The following NCL variants were observed in gnomAD, a reference collection of about 807,000 sequenced individuals.
NCL encodes the protein nucleolin multifunctional protein.
Under a neutral mutation model 77.7 loss-of-function variants are expected in NCL, and 4 were observed. The ratio of observed to expected loss-of-function variants is 0.05; its 90% CI spans 0.03 to 0.12. The LOEUF (loss-of-function observed/expected upper bound fraction) is 0.12, where lower values mean the gene tolerates loss of function less well. NCL is among the 10% of genes least tolerant of loss of function. The pLI, the probability that NCL is intolerant of heterozygous loss-of-function variation, is 1.00. For synonymous variants in NCL, 344 were observed against 297.8 expected (o/e 1.16, Z -1.60); for missense variants, 763 against 860.9 (o/e 0.89, Z 1.42).
intron 2 of NCL, chr2:231,462,426 T>G: frequency 2.5e-6 from 1 of 404,212 alleles, no homozygotes; most frequent in Non-Finnish European, 4.9e-6. Context: ...CATTTGGGGC[T>G]CCTACAGTGG....
In NCL at chr2:231,457,723, C is replaced by T; in HGVS notation, c.1367G>A (p.Gly456Glu). 6.2e-7 allele frequency: 1 copy of T among 1,611,898 alleles called. No homozygotes were observed. The highest frequency in any genetic ancestry group is 8.5e-7 in the Non-Finnish European group (1 of 1,178,272). ...FEEKQGTEID[G>E]RSISLYYTGE... ...AGTATAGTACAGGGAAATAGATCGCCCATCGATCTCTGTTCCCTGCTTTTC... is the reference window on the plus strand; with the variant it reads ...AGTATAGTACAGGGAAATAGATCGCTCATCGATCTCTGTTCCCTGCTTTTC... The change falls in exon 9 of 14, where the codon GGG becomes GAG. Residue 456 changes from glycine (G) to glutamate (E), a missense_variant. Gly to Glu is a moderately conservative substitution (Grantham distance 98, BLOSUM62 -2). This residue lies in a region of NCL where 590 missense variants were observed against 570.5 expected (regional missense o/e 1.03). Transcript: ENST00000322723.
In NCL at chr2:231,457,595, A is replaced by C. The variant is rs767913434; in HGVS notation, c.1447+48T>G. Reference sequence around the variant, plus strand: ...CTTATGAAATACAAAGACACAAAGGAGTTCCCTCCACCAATTCTGAAACCT... The same window carrying C: ...CTTATGAAATACAAAGACACAAAGGCGTTCCCTCCACCAATTCTGAAACCT... On this transcript the variant is annotated intron_variant, in intron 9 of 13. Transcript: ENST00000322723. 9 of 1,498,110 alleles carry C rather than the reference A, an allele frequency of 6.0e-6. No homozygotes were observed. In the South Asian group the frequency reaches 1.0e-4, roughly 17 times the overall value. 92.8% of individuals were successfully genotyped at this position (1,498,110 alleles called of 1,614,324 possible).
At chr2:231,456,932 A>C in intron 10 of NCL, 69 bp downstream of exon 10, 3 of 1,581,214 alleles carry the variant, frequency 1.9e-6, no homozygotes, top group Admixed American at 1.8e-5. Flanking sequence ...GGATCACATG[A>C]CCTTACGTTC....
chr2:231,455,362 G>C (rs762263323), intron 13 of NCL, 39 bp downstream of exon 13: 7 of 1,613,334 alleles, frequency 4.3e-6, no homozygotes, highest in Non-Finnish European at 5.9e-6. Context: ...GGTCTGAAGA[G>C]CACATGCTAT....
rs1275662886 is a variant in NCL at position 231,456,102 on chromosome 2, A to G, written c.1740T>C (p.Ser580=). ...TTAATGTCTCTTCAGTGGTATCCTCAGACAGGCCTTTGACAAACAGAGTTT... is the reference window on the plus strand; with the variant it reads ...TTAATGTCTCTTCAGTGGTATCCTCGGACAGGCCTTTGACAAACAGAGTTT... The part of the protein sequence containing the change: ...PSKTLFVKGL[S]EDTTEETLKE... Residue 580 remains serine (S), a synonymous_variant, in exon 12 of 14, where the codon TCT becomes TCC. Coordinates refer to ENST00000322723, the MANE Select transcript of NCL (RefSeq NM_005381.3). 22 of 1,613,952 alleles carry G rather than the reference A, an allele frequency of 1.4e-5. No homozygotes were observed. The highest frequency in any genetic ancestry group is 1.8e-5 in the Non-Finnish European group (21 of 1,180,018).
intron 6 of NCL, 118 bp downstream of exon 6, chr2:231,460,034 C>T (rs958586635): frequency 1.7e-6 from 2 of 1,189,360 alleles, no homozygotes; most frequent in Admixed American, 2.4e-5. Flanking sequence ...TAATGCTAAT[C>T]CTTGAAGATG....
At position 231,455,483 on chromosome 2, in the gene NCL, T is replaced by A; in HGVS notation, c.1974A>T (p.Gly658=). ...CTCGTCCTCCAAAGCCGCCTCTGCCTCCACCACGACCCCCGAAGCCACCTT... is the reference window on the plus strand; with the variant it reads ...CTCGTCCTCCAAAGCCGCCTCTGCCACCACCACGACCCCCGAAGCCACCTT... ...KGEGGFGGRG[G]GRGGFGGRGG... is the part of the protein sequence containing the mutation. The change falls in exon 13 of 14, where the codon GGA becomes GGT. Residue 658 remains glycine (G), a synonymous_variant. Transcript: ENST00000322723. The A allele has an allele frequency of 6.2e-7, 1 of 1,614,114 alleles. No individual in the cohort carries two copies.
chr2:231,457,933 AACTCGAGCTTCCCTCTTACTTCCC>A (rs1229124931), intron 8 of NCL, 133 bp from the exon 9 acceptor site: 1 of 871,878 alleles, frequency 1.1e-6, no homozygotes, highest in African/African-American at 1.7e-5. Flanking sequence ...TTTCAATCAA[AACTCGAGCTTCCCTCTTACTTCCC>A]ACTAGTTTTA....
intron 1 of NCL, 79 bp from the exon 2 acceptor site, chr2:231,463,395 C>T (rs1247417429): frequency 2.2e-6 from 2 of 891,374 alleles, no homozygotes; most frequent in Non-Finnish European, 3.7e-6. Flanking sequence ...AGTGTTCATA[C>T]GCCATCATCT....
chr2:231,455,905 C>CTGAT (rs758751983), intron 12 of NCL, 105 bp downstream of exon 12: 69 of 1,562,718 alleles, frequency 4.4e-5, no homozygotes, highest in Admixed American at 2.0e-4. Context: ...TAAACTGCCA[C>CTGAT]TGATAGACAG....
Position 231,464,127 on chromosome 2 carries a change from T to TC in NCL, c.18+208dup, listed in dbSNP as rs1368480663. 5 of 1,377,320 alleles carry TC rather than the reference T, an allele frequency of 3.6e-6. No homozygotes were observed. The South Asian group carries it at 6.3e-5, about 17-fold the overall frequency. The allele number at this position is 1,377,320 out of a possible 1,614,324, so 85.3% of individuals were successfully genotyped here. A position where few individuals can be genotyped will look rare whatever the true frequency, so the allele number is the denominator to read the frequency against. ...AGTGACTCTGTCTTTCCCGCCGCGT[T>TC]CGCCGCCCCCAGCACCTGCAGAAGC... On this transcript the variant is annotated intron_variant, in intron 1 of 13. Transcript: ENST00000322723.
In NCL at chr2:231,459,123, T is replaced by C; in HGVS notation, c.1043A>G (p.Lys348Arg). Residue 348 changes from lysine to arginine, a missense_variant and splice_region_variant, in exon 7 of 14, where the codon AAA (lysine) becomes AGA (arginine). Around this residue, in one of 2 missense-constraint regions of NCL, gnomAD observed 590 missense variants for 570.5 expected, o/e 1.03. Coordinates refer to ENST00000322723, the MANE Select transcript of NCL (RefSeq NM_005381.3). ...VVDVRIGMTRKFGYVDFESAE... is the reference protein window; with the variant it reads ...VVDVRIGMTRRFGYVDFESAE... Reference sequence around the variant, plus strand: ...AGATTCAAAATCCACATAACCAAATTTCCTTCAAGGTGGAGAGGAGGGCAA... The same window carrying C: ...AGATTCAAAATCCACATAACCAAATCTCCTTCAAGGTGGAGAGGAGGGCAA... 1 of 1,570,786 alleles carries C rather than the reference T, an allele frequency of 6.4e-7. No homozygotes were observed.
chr2:231,459,800 G>C (rs1172132260), intron 6 of NCL, among the ~76,000 whole-genome samples: 1 of 151,832 alleles, frequency 6.6e-6, no homozygotes, highest in Non-Finnish European at 1.5e-5. Context: ...CCAGCTACTT[G>C]GGAGGCTTAG....
Position 231,458,915 on chromosome 2 carries a change from G to A in NCL, c.1165+86C>T, listed in dbSNP as rs568891941. ...AAAAAATGATTTAAAAAAATAAGAGGAAACCAAGGGAAATGGGTTACAAAG... is the reference window on the plus strand; with the variant it reads ...AAAAAATGATTTAAAAAAATAAGAGAAAACCAAGGGAAATGGGTTACAAAG... On this transcript the variant is annotated intron_variant, in intron 7 of 13. Coordinates refer to ENST00000322723, the MANE Select transcript of NCL (RefSeq NM_005381.3). 64 of 1,332,984 alleles carry A rather than the reference G, an allele frequency of 4.8e-5. No individual in the cohort carries two copies. The East Asian group carries it at 1.3e-3, about 28-fold the overall frequency. 82.6% of individuals were successfully genotyped at this position (1,332,984 alleles called of 1,614,324 possible). A position where few individuals can be genotyped will look rare whatever the true frequency, so the allele number is the denominator to read the frequency against.
chr2:231,459,143 G>A lies in NCL; in HGVS notation c.1041-18C>T. On this transcript the variant is annotated intron_variant, in intron 6 of 13. Coordinates refer to ENST00000322723, the MANE Select transcript of NCL (RefSeq NM_005381.3). Reference sequence around the variant, plus strand: ...CAAATTTCCTTCAAGGTGGAGAGGAGGGCAAAATTACAACAGGTGAAAACA... The same window carrying A: ...CAAATTTCCTTCAAGGTGGAGAGGAAGGCAAAATTACAACAGGTGAAAACA... The A allele has an allele frequency of 1.3e-6, 2 of 1,531,584 alleles. No individual in the cohort carries two copies. The highest frequency in any genetic ancestry group is 2.4e-5 in the East Asian group (1 of 41,216). 94.9% of individuals were successfully genotyped at this position (1,531,584 alleles called of 1,614,324 possible).
chr2:231,454,988 CT>C lies in NCL; in HGVS notation c.*202del. 1.8e-6 allele frequency: 1 copy of C among 552,862 alleles called. No homozygotes were observed. Among genetic ancestry groups the C allele is most frequent in the Non-Finnish European group, 3.2e-6 (1 of 312,798 alleles). 34.2% of individuals were successfully genotyped at this position (552,862 alleles called of 1,614,324 possible). A position where few individuals can be genotyped will look rare whatever the true frequency, so the allele number is the denominator to read the frequency against. On this transcript the variant is annotated 3_prime_UTR_variant, in exon 14 of 14. Transcript: ENST00000322723. ...GATAAGGGTTAGCTCTATCACTCAACTCTTTAAAAAGTTTATATGAATATCC... is the reference window on the plus strand; with the variant it reads ...GATAAGGGTTAGCTCTATCACTCAACCTTTAAAAAGTTTATATGAATATCC...
Position 231,455,090 on chromosome 2 carries a change from G to A in NCL, c.*101C>T, listed in dbSNP as rs2046871115. The A allele has an allele frequency of 3.1e-6, 4 of 1,307,688 alleles. No individual in the cohort carries two copies. Among genetic ancestry groups the A allele is most frequent in the Non-Finnish European group, 4.4e-6 (4 of 910,282 alleles). 81.0% of individuals were successfully genotyped at this position (1,307,688 alleles called of 1,614,324 possible). A position where few individuals can be genotyped will look rare whatever the true frequency, so the allele number is the denominator to read the frequency against. ...CAAGGAGACCACAGGACTGTATACT[G>A]TCTTGGAATGTCCTCAGAAGGCTCT... On this transcript the variant is annotated 3_prime_UTR_variant, in exon 14 of 14. Transcript: ENST00000322723.
chr2:231,455,644 T>G lies in NCL; in HGVS notation c.1833-20A>C. 1 of 1,612,938 alleles carries G rather than the reference T, an allele frequency of 6.2e-7. No homozygotes were observed. The highest frequency in any genetic ancestry group is 8.5e-7 in the Non-Finnish European group (1 of 1,179,098). ...CCAAACCTAGAACACCAAATGAAAT[T>G]GCCCATTATAAAAAGCACCTACTAC... On this transcript the variant is annotated intron_variant, in intron 12 of 13. Transcript: ENST00000322723.
intron 1 of NCL, 178 bp downstream of exon 1, chr2:231,464,158 A>C (rs1575265102): frequency 1.4e-6 from 2 of 1,413,640 alleles, no homozygotes; most frequent in Non-Finnish European, 1.9e-6. Context: ...GAAGCTCTTC[A>C]CCTCGCCACC....
Sources: allele counts gnomAD v4.1 joint callset (sites outside exome capture counted in the v4.1 genomes callset), GRCh38; gene constraint gnomAD v4.1.1; regional missense constraint gnomAD v4.1.1; transcripts MANE v1.5; gene names NCBI Gene and HGNC (gene_info 2026-07-23, HGNC 2026-07-21).